The following TAPT1 variants were observed in gnomAD, a reference collection of about 807,000 sequenced individuals.
TAPT1 encodes transmembrane anterior posterior transformation 1, also known as transmembrane anterior posterior transformation protein 1 homolog.
A neutral mutation model predicts 65.6 loss-of-function variants in TAPT1; 28 were observed. That is an observed-to-expected ratio of 0.43 (90% CI 0.32 to 0.59). TAPT1 has a LOEUF of 0.59. TAPT1 is among the 20% of genes least tolerant of loss of function. The probability of loss-of-function intolerance (pLI) is 0.09; values close to 1 mark genes in which losing one functional copy is unlikely to be tolerated. For synonymous variants in TAPT1, 278 were observed against 245.2 expected (o/e 1.13, Z -1.25); for missense variants, 563 against 679.9 (o/e 0.83, Z 1.91).
At chr4:16,193,822 T>C (rs537229719) in intron 3 of TAPT1, among the ~76,000 whole-genome samples, 231 of 152,294 alleles carry the variant, frequency 1.5e-3, no homozygotes, top group African/African-American at 5.2e-3. Context: ...TCATGGGCTT[T>C]TGTGTTTAAA....
At chr4:16,219,508 G>A (rs764704038) in intron 1 of TAPT1, among the ~76,000 whole-genome samples, 3 of 152,196 alleles carry the variant, frequency 2.0e-5, no homozygotes, top group Non-Finnish European at 4.4e-5. Context: ...CAATTAGCGC[G>A]ATGCTAATAG....
At chr4:16,173,297 C>A (rs1430605202) in intron 11 of TAPT1, among the ~76,000 whole-genome samples, 1 of 151,998 alleles carries the variant, frequency 6.6e-6, no homozygotes, top group Non-Finnish European at 1.5e-5. Flanking sequence ...TATAGCCTAA[C>A]CTGGCTAGAA....
At chr4:16,179,824 G>A (rs1002271009) in intron 7 of TAPT1, among the ~76,000 whole-genome samples, 167 bp from the exon 8 acceptor site, 3 of 138,900 alleles carry the variant, frequency 2.2e-5, no homozygotes, top group African/African-American at 8.9e-5. Flanking sequence ...GTGTGTGTGT[G>A]TGTATATATA....
intron 7 of TAPT1, among the ~76,000 whole-genome samples, chr4:16,185,218 CTAAAT>C (rs1469415290): frequency 6.6e-6 from 1 of 151,828 alleles, no homozygotes; most frequent in African/African-American, 2.4e-5. Flanking sequence ...ACTCTTCTCA[CTAAAT>C]TTTGTTTTAT....
At chr4:16,180,878 C>T (rs887531435) in intron 7 of TAPT1, among the ~76,000 whole-genome samples, 2 of 152,156 alleles carry the variant, frequency 1.3e-5, no homozygotes, top group Non-Finnish European at 2.9e-5. Context: ...CTTCCTATTT[C>T]CAAAGCTGAA....
At position 16,179,620 on chromosome 4, in the gene TAPT1, C is replaced by G. The variant is rs1040824758; in HGVS notation, c.954G>C (p.Leu318=). ...KERFTNYVLL[L]IVCLRNMEQF... ...GTTCCATGTTTCTTAGACACACTAT[C>G]AGTAAAAGCACATAATTTGTGAATC... The change falls in exon 8 of 14, where the codon CTG becomes CTC. Residue 318 remains leucine (L), a synonymous_variant. Transcript: ENST00000405303. 6 of 1,539,376 alleles carry G rather than the reference C, an allele frequency of 3.9e-6. No homozygotes were observed. The African/African-American group carries it at 5.5e-5, about 14-fold the overall frequency.
Position 16,163,072 on chromosome 4 carries a change from G to T in TAPT1, c.*236C>A. The T allele has an allele frequency of 1.7e-6, 1 of 596,980 alleles. No individual in the cohort carries two copies. Among genetic ancestry groups the T allele is most frequent in the South Asian group, 1.5e-5 (1 of 65,796 alleles). 37.0% of individuals were successfully genotyped at this position (596,980 alleles called of 1,614,324 possible). A position where few individuals can be genotyped will look rare whatever the true frequency, so the allele number is the denominator to read the frequency against. On this transcript the variant is annotated 3_prime_UTR_variant, in exon 14 of 14. Coordinates refer to ENST00000405303, the MANE Select transcript of TAPT1 (RefSeq NM_153365.3). ...ATGCTGCTGCTTGGCCAGGCAGGAG[G>T]AAGTTTTATAATCCATCAAGCTTCC...
chr4:16,193,419 C>T (rs1046694330), intron 3 of TAPT1, among the ~76,000 whole-genome samples: 22 of 152,146 alleles, frequency 1.4e-4, no homozygotes, highest in African/African-American at 5.3e-4. Flanking sequence ...TTTCTTTTAT[C>T]CAATGATGTT....
intron 7 of TAPT1, 87 bp from the exon 8 acceptor site, chr4:16,179,744 A>C: frequency 1.6e-6 from 1 of 621,976 alleles, no homozygotes. Context: ...CCAGAACATG[A>C]TGAAATTATT....
At chr4:16,182,525 T>A (rs538446470) in intron 7 of TAPT1, among the ~76,000 whole-genome samples, 22 of 152,344 alleles carry the variant, frequency 1.4e-4, no homozygotes, top group African/African-American at 4.8e-4. Context: ...TACTTTAACA[T>A]ACTTGCAGTC....
chr4:16,208,470 C>A (rs1221957926), intron 2 of TAPT1, among the ~76,000 whole-genome samples: 9 of 152,196 alleles, frequency 5.9e-5, no homozygotes, highest in Admixed American at 5.9e-4. Context: ...TCTGGGAAAT[C>A]TTTCAATCTT....
In TAPT1 at chr4:16,163,288, C is replaced by T. The variant is rs1747371774; in HGVS notation, c.*20G>A. ...TTGTTGCCCCAGGACCCAGCTTCTT[C>T]AGCGCATGAAGCCACAGATTCAGTC... On this transcript the variant is annotated 3_prime_UTR_variant, in exon 14 of 14. Transcript: ENST00000405303. The T allele has an allele frequency of 6.3e-6, 10 of 1,593,420 alleles. No homozygotes were observed. Among genetic ancestry groups the T allele is most frequent in the Non-Finnish European group, 8.6e-6 (10 of 1,161,220 alleles).
intron 7 of TAPT1, among the ~76,000 whole-genome samples, chr4:16,184,496 G>A (rs1748888399): frequency 6.6e-6 from 1 of 152,152 alleles, no homozygotes; most frequent in South Asian, 2.1e-4. Context: ...TCCTACTGAG[G>A]AAATATATTT....
intron 3 of TAPT1, among the ~76,000 whole-genome samples, chr4:16,197,418 A>G (rs188483585): frequency 7.9e-4 from 121 of 152,326 alleles, no homozygotes; most frequent in South Asian, 1.9e-3. Flanking sequence ...GTACCAGGCT[A>G]TATCATTTTT....
In TAPT1 at chr4:16,166,385, C is replaced by G. The variant is rs185500057; in HGVS notation, c.1474+248G>C. On this transcript the variant is annotated intron_variant, in intron 13 of 13. Coordinates refer to ENST00000405303, the MANE Select transcript of TAPT1 (RefSeq NM_153365.3). ...ATGGGAGCAGAGAATTGCCTTTCCA[C>G]CCCACTGCTGTATCCACTGGAGCTG... Among the ~76,000 whole-genome samples the G allele has an allele frequency of 2.4e-4, 36 of 152,380 alleles. No homozygotes were observed. In the East Asian group the frequency reaches 6.7e-3, roughly 29 times the overall value.
At chr4:16,225,352 C>T (rs1293545073) in intron 1 of TAPT1, among the ~76,000 whole-genome samples, 1 of 152,178 alleles carries the variant, frequency 6.6e-6, no homozygotes, top group African/African-American at 2.4e-5. Flanking sequence ...CAGGAAATAA[C>T]GGCTAACACA....
intron 1 of TAPT1, among the ~76,000 whole-genome samples, chr4:16,220,703 C>A (rs937038193): frequency 6.6e-6 from 1 of 150,486 alleles, no homozygotes; most frequent in African/African-American, 2.5e-5. Flanking sequence ...GAGCCAAGAT[C>A]GCACCACTGT....
At position 16,170,704 on chromosome 4, in the gene TAPT1, A is replaced by G. The variant is rs370585771; in HGVS notation, c.1262T>C (p.Ile421Thr). ...ATAAGACAGGATTCCTTGCACTTTA[A>G]TTGAGCTTGTTACAACTCTGATGAG... ...VLLIRVVTSSIKVQGILSYAC... is the reference protein window; with the variant it reads ...VLLIRVVTSSTKVQGILSYAC... Residue 421 changes from isoleucine (I) to threonine (T), a missense_variant, in exon 12 of 14, where the codon ATT becomes ACT. By Grantham distance (89) the Ile-to-Thr change is moderately conservative. Coordinates refer to ENST00000405303, the MANE Select transcript of TAPT1 (RefSeq NM_153365.3). 3.7e-6 allele frequency: 6 copies of G among 1,613,814 alleles called. No homozygotes were observed. The highest frequency in any genetic ancestry group is 1.7e-5 in the Admixed American group (1 of 60,020).
intron 7 of TAPT1, among the ~76,000 whole-genome samples, chr4:16,182,283 A>G (rs1748754064): frequency 6.6e-6 from 1 of 152,208 alleles, no homozygotes; most frequent in Non-Finnish European, 1.5e-5. Flanking sequence ...AATCAAACAT[A>G]TATTAGATAA....
Sources: allele counts gnomAD v4.1 joint callset (sites outside exome capture counted in the v4.1 genomes callset), GRCh38; gene constraint gnomAD v4.1.1; transcripts MANE v1.5; gene names NCBI Gene and HGNC (gene_info 2026-07-23, HGNC 2026-07-21).